The following ZNF398 variants were observed in gnomAD, a reference collection of about 807,000 sequenced individuals.
The protein encoded by ZNF398 is zinc finger protein 398, also known as zinc finger DNA binding protein ZER6.
Under a neutral mutation model 41.9 loss-of-function variants are expected in ZNF398, and 18 were observed. The observed-to-expected ratio is 0.43, with a 90% CI of 0.30 to 0.64. The LOEUF (loss-of-function observed/expected upper bound fraction) is 0.64, where lower values mean the gene tolerates loss of function less well. Ranked by LOEUF, ZNF398 falls within the 30% of genes least tolerant of loss-of-function variation. The probability of loss-of-function intolerance (pLI) is 0.14; values close to 1 mark genes in which losing one functional copy is unlikely to be tolerated. For synonymous variants in ZNF398, 260 were observed against 308.8 expected (o/e 0.84, Z 1.66); for missense variants, 669 against 822.8 (o/e 0.81, Z 2.29).
At chr7:149,169,545 G>T (rs767130896) in intron 4 of ZNF398, among the ~76,000 whole-genome samples, 2 of 152,098 alleles carry the variant, frequency 1.3e-5, no homozygotes, top group African/African-American at 2.4e-5. Context: ...TGTGCCTCCT[G>T]GGCCCAAGCC....
chr7:149,133,473 A>G (rs992509883), intron 2 of ZNF398, among the ~76,000 whole-genome samples: 1 of 150,772 alleles, frequency 6.6e-6, no homozygotes. Flanking sequence ...CCTGTGATTT[A>G]GAATGCCTTA....
At chr7:149,133,986 G>C (rs532022911) in intron 2 of ZNF398, among the ~76,000 whole-genome samples, 2 of 149,416 alleles carry the variant, frequency 1.3e-5, no homozygotes, top group Admixed American at 1.3e-4. Context: ...CCTGACCTCA[G>C]GTGATCTGCC....
chr7:149,162,213 G>A (rs1022196461), intron 2 of ZNF398, among the ~76,000 whole-genome samples: 14 of 151,042 alleles, frequency 9.3e-5, no homozygotes, highest in African/African-American at 2.9e-4. Flanking sequence ...TCGGAGTCTC[G>A]CTCTGTCGCC....
At chr7:149,148,891 T>TTTTTTTTTTTC (rs869265547) in intron 1 of ZNF398, among the ~76,000 whole-genome samples, 1 of 145,194 alleles carries the variant, frequency 6.9e-6, no homozygotes, top group Non-Finnish European at 1.5e-5. Context: ...TTTTTTTTTT[T>TTTTTTTTTTTC]AGCTCATCAG....
At chr7:149,151,589 C>A (rs181168223) in intron 1 of ZNF398, among the ~76,000 whole-genome samples, 18 of 151,856 alleles carry the variant, frequency 1.2e-4, no homozygotes, top group Non-Finnish European at 2.1e-4. Context: ...CTTTTATTTT[C>A]TTGGAAAGAT....
Position 149,178,722 on chromosome 7 carries a change from TCTC to T in ZNF398, c.852_854del (p.Pro286del), listed in dbSNP as rs1387589244. 1 of 1,613,994 alleles carries T rather than the reference TCTC, an allele frequency of 6.2e-7. No homozygotes were observed. The highest frequency in any genetic ancestry group is 8.5e-7 in the Non-Finnish European group (1 of 1,180,024). On this transcript the variant is annotated inframe_deletion, in exon 6 of 6. Transcript: ENST00000475153. The stretch of plus-strand genomic sequence containing the variant: ...CCCTGAGGTTCCAGTCCCTTTCTCT[TCTC>T]CACCAGCAGCAGCAAAGGATGCTTT...
At chr7:149,168,902 C>T (rs1383501842) in intron 4 of ZNF398, among the ~76,000 whole-genome samples, 1 of 152,094 alleles carries the variant, frequency 6.6e-6, no homozygotes, top group Non-Finnish European at 1.5e-5. Flanking sequence ...GTCAGTGTAA[C>T]ACGTTGCATT....
In ZNF398 at chr7:149,147,815, C is replaced by A; in HGVS notation, c.24+49C>A. Reference sequence around the variant, plus strand: ...TTGTGAGCCCCCGAGACCCAGACCCCGAGGGAGGAAGGCGGGCGGGCAGGG... The same window carrying A: ...TTGTGAGCCCCCGAGACCCAGACCCAGAGGGAGGAAGGCGGGCGGGCAGGG... On this transcript the variant is annotated intron_variant, in intron 1 of 5. Transcript: ENST00000475153. The surrounding 1 kb of genome is among the most constrained non-coding windows in gnomAD (Gnocchi z 5.6). 7.4e-7 allele frequency: 1 copy of A among 1,344,672 alleles called. No individual in the cohort carries two copies. Among genetic ancestry groups the A allele is most frequent in the East Asian group, 3.0e-5 (1 of 33,232 alleles). 83.3% of individuals were successfully genotyped at this position (1,344,672 alleles called of 1,614,324 possible). A position where few individuals can be genotyped will look rare whatever the true frequency, so the allele number is the denominator to read the frequency against.
chr7:149,178,512 T>G, intron 5 of ZNF398, 136 bp from the exon 6 acceptor site: 1 of 704,008 alleles, frequency 1.4e-6, no homozygotes, highest in Non-Finnish European at 2.4e-6. Flanking sequence ...ACCACAGATG[T>G]CTCGGTTATT....
At chr7:149,172,309 T>C (rs556595443) in intron 4 of ZNF398, among the ~76,000 whole-genome samples, 7 of 152,342 alleles carry the variant, frequency 4.6e-5, no homozygotes, top group African/African-American at 1.7e-4. Flanking sequence ...AATCTTGCAC[T>C]ATCCTGCCCT....
At chr7:149,127,846 C>CT (rs1356303934) in intron 1 of ZNF398, among the ~76,000 whole-genome samples, 1 of 152,200 alleles carries the variant, frequency 6.6e-6, no homozygotes, top group African/African-American at 2.4e-5. Context: ...CTGTCCCACC[C>CT]TGAAACTCCT....
intron 2 of ZNF398, among the ~76,000 whole-genome samples, chr7:149,136,372 C>T (rs954714351): frequency 6.6e-6 from 1 of 152,076 alleles, no homozygotes; most frequent in Non-Finnish European, 1.5e-5. Context: ...GGCAGAGGTG[C>T]GCCTCACTTC....
chr7:149,163,976 ATGG>A (rs1048703007), intron 2 of ZNF398, among the ~76,000 whole-genome samples: 1 of 151,896 alleles, frequency 6.6e-6, no homozygotes, highest in African/African-American at 2.4e-5. Context: ...GCCAGGCGTG[ATGG>A]TGTGCACCTG....
exon 1 of ZNF398, chr7:149,126,438 G>C: frequency 1.3e-6 from 1 of 757,718 alleles, no homozygotes; most frequent in Non-Finnish European, 2.0e-6. Flanking sequence ...GGAGGGGCCC[G>C]GGCACCCTCC....
intron 1 of ZNF398, chr7:149,151,114 G>T: frequency 1.9e-6 from 1 of 516,246 alleles, no homozygotes. Flanking sequence ...TGGGACAAGC[G>T]GCATGGAGGG....
At chr7:149,166,792 T>G (rs758985797) in intron 3 of ZNF398, 25 bp from the exon 4 acceptor site, 1 of 1,525,578 alleles carries the variant, frequency 6.6e-7, no homozygotes, top group Non-Finnish European at 9.0e-7. Context: ...TTTGTAATAC[T>G]CTCTCTTCCT....
chr7:149,136,485 G>T (rs1826716384), intron 2 of ZNF398, among the ~76,000 whole-genome samples: 1 of 152,196 alleles, frequency 6.6e-6, no homozygotes, highest in Admixed American at 6.6e-5. Flanking sequence ...GTAAGAGTTG[G>T]GTTCAGGTTC....
In ZNF398 at chr7:149,177,978, C is replaced by G. The variant is rs28758909; in HGVS notation, c.776-670C>G. On this transcript the variant is annotated intron_variant, in intron 5 of 5. Transcript: ENST00000475153. ...CCTGGTCAATATGGCAAAACCCCAT[C>G]TCTACTAAAAATATAAAAATTACCT... 9.6e-3 allele frequency among the ~76,000 whole-genome samples: 1,462 copies of G among 151,676 alleles called. 27 individuals are homozygous for G. Among genetic ancestry groups the G allele is most frequent in the African/African-American group, 0.033 (1,370 of 41,310 alleles).
intron 2 of ZNF398, among the ~76,000 whole-genome samples, chr7:149,163,572 C>G (rs1188663103): frequency 6.6e-6 from 1 of 151,974 alleles, no homozygotes; most frequent in Non-Finnish European, 1.5e-5. Context: ...CGGGGTTTCT[C>G]CATATTGGTC....
Sources: allele counts gnomAD v4.1 joint callset (sites outside exome capture counted in the v4.1 genomes callset), GRCh38; gene constraint gnomAD v4.1.1; non-coding constraint Gnocchi (gnomAD v3.1); transcripts MANE v1.5; gene names NCBI Gene and HGNC (gene_info 2026-07-23, HGNC 2026-07-21).